CSMD1: variants seen among roughly 807,000 people sequenced by gnomAD.
The protein encoded by CSMD1 is CUB and sushi domain-containing protein 1.
A neutral mutation model predicts 417.5 loss-of-function variants in CSMD1; 213 were observed. That is an observed-to-expected ratio of 0.51 (90% CI 0.46 to 0.57). CSMD1 has a LOEUF of 0.57. Ranked by LOEUF, CSMD1 falls within the 20% of genes least tolerant of loss-of-function variation. CSMD1 has a pLI of 0.00. For missense variants in CSMD1, 6,923 were observed against 4,529.7 expected (o/e 1.53, Z -15.17); for synonymous variants, 2,862 against 1,736.8 (o/e 1.65, Z -16.11).
intron 1 of CSMD1, among the ~76,000 whole-genome samples, chr8:4,912,974 A>C (rs529600349): frequency 3.3e-4 from 50 of 152,130 alleles, no homozygotes; most frequent in Non-Finnish European, 5.7e-4. Flanking sequence ...TTTTTAGTAG[A>C]GATGGGGTTT....
At chr8:3,301,356 A>G (rs1458073573) in intron 25 of CSMD1, among the ~76,000 whole-genome samples, 2 of 152,090 alleles carry the variant, frequency 1.3e-5, no homozygotes, top group African/African-American at 4.8e-5. Context: ...GGTCTAAATG[A>G]GAAATGAAGC....
chr8:3,738,267 C>T (rs374260117), intron 6 of CSMD1, among the ~76,000 whole-genome samples: 12 of 152,202 alleles, frequency 7.9e-5, no homozygotes, highest in East Asian at 3.9e-4. Context: ...AAAATAGCGA[C>T]GATCACAGTG....
chr8:4,052,966 G>A (rs1433402720), intron 3 of CSMD1, among the ~76,000 whole-genome samples: 4 of 152,138 alleles, frequency 2.6e-5, no homozygotes, highest in Non-Finnish European at 4.4e-5. Context: ...AATGGACCCA[G>A]AACCTGAGGG....
At chr8:3,261,620 T>C (rs892696462) in intron 26 of CSMD1, among the ~76,000 whole-genome samples, 2 of 152,096 alleles carry the variant, frequency 1.3e-5, no homozygotes, top group Non-Finnish European at 2.9e-5. Context: ...CGGTGAGTGA[T>C]TAAACCAACT....
At chr8:4,900,673 G>A (rs956718374) in intron 1 of CSMD1, among the ~76,000 whole-genome samples, 2 of 152,126 alleles carry the variant, frequency 1.3e-5, no homozygotes, top group South Asian at 4.1e-4. Flanking sequence ...GCTGTCCAAG[G>A]AGATTTGCAA....
At chr8:3,600,511 C>G (rs546483455) in intron 8 of CSMD1, among the ~76,000 whole-genome samples, 4 of 152,330 alleles carry the variant, frequency 2.6e-5, no homozygotes, top group Admixed American at 6.5e-5. Flanking sequence ...GTGTCAAAGA[C>G]TACCACTCAG....
At chr8:4,154,581 G>A (rs1796733625) in intron 3 of CSMD1, among the ~76,000 whole-genome samples, 1 of 152,156 alleles carries the variant, frequency 6.6e-6, no homozygotes. Flanking sequence ...GCCAAGAGGT[G>A]AGGTCTTTGG....
chr8:4,849,221 A>C (rs925876152), intron 1 of CSMD1, among the ~76,000 whole-genome samples: 1 of 152,126 alleles, frequency 6.6e-6, no homozygotes, highest in African/African-American at 2.4e-5. Context: ...TTGTAGAATA[A>C]AGCTATAAAG....
chr8:4,162,864 G>A lies in CSMD1; in HGVS notation c.416-130765C>T, dbSNP rs537089339. On this transcript the variant is annotated intron_variant, in intron 3 of 69. Coordinates refer to ENST00000635120, the MANE Select transcript of CSMD1 (RefSeq NM_033225.6). ...CACCATTGCAGTATCACACTGAGTA[G>A]TTTCCCCGCCCTAAAAATTTCCCTG... Among the ~76,000 whole-genome samples, 16 of 152,264 alleles carry A rather than the reference G, an allele frequency of 1.1e-4. No individual in the cohort carries two copies. In the South Asian group the frequency reaches 2.7e-3, roughly 26 times the overall value.
chr8:4,393,283 C>T (rs901255898), intron 3 of CSMD1, among the ~76,000 whole-genome samples: 3 of 152,122 alleles, frequency 2.0e-5, no homozygotes, highest in African/African-American at 7.2e-5. Context: ...GCCTACAAAG[C>T]AGTTTTTAAT....
chr8:4,765,485 A>G (rs1812404203), intron 1 of CSMD1, among the ~76,000 whole-genome samples: 1 of 152,236 alleles, frequency 6.6e-6, no homozygotes. Context: ...GTGTTTGCAG[A>G]TGCCTATTTA....
intron 49 of CSMD1, among the ~76,000 whole-genome samples, chr8:3,085,711 C>CTA (rs1257330350): frequency 6.6e-6 from 1 of 152,160 alleles, no homozygotes; most frequent in East Asian, 1.9e-4. Flanking sequence ...TATCCCAAAC[C>CTA]TATATATGTG....
intron 7 of CSMD1, among the ~76,000 whole-genome samples, chr8:3,696,387 A>G (rs973087130): frequency 2.6e-5 from 4 of 152,290 alleles, no homozygotes; most frequent in Admixed American, 1.3e-4. Context: ...ATACTTTCAC[A>G]TATCTTCAAA....
rs182649784 is a variant in CSMD1 at position 4,574,517 on chromosome 8, C to T, written c.302+62825G>A. ...CTCAGAGGGAAATGCAGAAATCACCCGCCTTCTGTGATGGTCTCACTGGGA... is the reference window on the plus strand; with the variant it reads ...CTCAGAGGGAAATGCAGAAATCACCTGCCTTCTGTGATGGTCTCACTGGGA... On this transcript the variant is annotated intron_variant, in intron 2 of 69. Transcript: ENST00000635120. Among the ~76,000 whole-genome samples, 251 of 152,272 alleles carry T rather than the reference C, an allele frequency of 1.6e-3. 1 individual carries two copies. Among genetic ancestry groups the T allele is most frequent in the African/African-American group, 5.8e-3 (241 of 41,572 alleles).
chr8:4,015,944 C>A (rs1384585358), intron 4 of CSMD1, among the ~76,000 whole-genome samples: 2 of 152,110 alleles, frequency 1.3e-5, no homozygotes, highest in Non-Finnish European at 2.9e-5. Flanking sequence ...CTTCAACTGC[C>A]CCCAAGAAGG....
At chr8:3,940,244 C>T (rs1810786672) in intron 5 of CSMD1, among the ~76,000 whole-genome samples, 1 of 151,906 alleles carries the variant, frequency 6.6e-6, no homozygotes, top group South Asian at 2.1e-4. Context: ...ATTTTGCCTA[C>T]AGAAGAAATC....
At chr8:4,170,091 A>G (rs1414053785) in intron 3 of CSMD1, among the ~76,000 whole-genome samples, 1 of 151,818 alleles carries the variant, frequency 6.6e-6, no homozygotes, top group African/African-American at 2.4e-5. Flanking sequence ...CAAAGATTAA[A>G]AATATGTATC....
chr8:4,260,069 G>C (rs893358069), intron 3 of CSMD1, among the ~76,000 whole-genome samples: 5 of 151,532 alleles, frequency 3.3e-5, no homozygotes, highest in African/African-American at 9.7e-5. Context: ...TGTTGTCTTA[G>C]AGATCACAAA....
intron 3 of CSMD1, among the ~76,000 whole-genome samples, chr8:4,159,637 G>C (rs1363400771): frequency 6.6e-6 from 1 of 152,172 alleles, no homozygotes; most frequent in African/African-American, 2.4e-5. Flanking sequence ...CGCCCAGGCT[G>C]GAGCACAGTG....
Sources: allele counts gnomAD v4.1 joint callset (sites outside exome capture counted in the v4.1 genomes callset), GRCh38; gene constraint gnomAD v4.1.1; transcripts MANE v1.5; gene names NCBI Gene and HGNC (gene_info 2026-07-23, HGNC 2026-07-21).